Variants in MYL11 observed in about 807,000 individuals in gnomAD.
The protein encoded by MYL11 is myosin light chain 11.
chr16:30,377,646 C>G, the MYL11 span: 1 of 1,500,548 alleles, frequency 6.7e-7, no homozygotes, highest in Non-Finnish European at 8.9e-7. Context: ...TGTGTCACCT[C>G]TCTCCAGCCT....
chr16:30,374,907 G>A, the MYL11 span: 1 of 1,604,744 alleles, frequency 6.2e-7, no homozygotes, highest in East Asian at 2.2e-5. Context: ...TAGACCTCAG[G>A]GCAGCCTCAC....
chr16:30,376,316 C>T, the MYL11 span: 3 of 1,551,086 alleles, frequency 1.9e-6, no homozygotes, highest in African/African-American at 1.4e-5. Flanking sequence ...CACCTTGGGC[C>T]TCAGTCTACC....
the MYL11 span, chr16:30,376,537 G>C: frequency 6.2e-7 from 1 of 1,613,924 alleles, no homozygotes; most frequent in Non-Finnish European, 8.5e-7. Context: ...GGTGAGTGGA[G>C]TGTCCTGGGT....
chr16:30,377,517 G>A, the MYL11 span: 2 of 858,464 alleles, frequency 2.3e-6, no homozygotes, highest in Admixed American at 3.3e-5. Flanking sequence ...AAAAGCGAGT[G>A]TCTGGGAGGC....
At chr16:30,376,330 C>A in the MYL11 span, 1 of 1,547,020 alleles carries the variant, frequency 6.5e-7, no homozygotes, top group South Asian at 1.2e-5. Context: ...GTCTACCCAG[C>A]TGAAAAATGA....
At chr16:30,377,621 A>C in the MYL11 span, 1 of 1,453,246 alleles carries the variant, frequency 6.9e-7, no homozygotes, top group Non-Finnish European at 9.1e-7. Flanking sequence ...CCAGGAACCC[A>C]ATCGCAACTC....
chr16:30,376,923 C>T, the MYL11 span, among the ~76,000 whole-genome samples: 1 of 152,060 alleles, frequency 6.6e-6, no homozygotes, highest in Non-Finnish European at 1.5e-5. Flanking sequence ...CTAAAAAATT[C>T]GTGGGCTGGC....
At chr16:30,375,980 G>A in the MYL11 span, 5 of 1,550,956 alleles carry the variant, frequency 3.2e-6, no homozygotes, top group Middle Eastern at 1.7e-4. Context: ...TCCCTGGAAT[G>A]TGCACCTGCT....
the MYL11 span, chr16:30,377,597 G>C: frequency 2.8e-6 from 4 of 1,414,466 alleles, no homozygotes; most frequent in East Asian, 7.4e-5. Flanking sequence ...GAGGTGCGAG[G>C]GAGTGGAAAG....
the MYL11 span, chr16:30,376,475 C>A: frequency 1.9e-6 from 3 of 1,614,094 alleles, no homozygotes; most frequent in Non-Finnish European, 2.5e-6. Context: ...AGGAAGCCAG[C>A]GGTCCCATCA....
the MYL11 span, chr16:30,372,912 T>A: frequency 6.5e-6 from 1 of 152,784 alleles, no homozygotes; most frequent in South Asian, 2.1e-4. Context: ...GCCCAGCACA[T>A]CTGCTCCTCC....
chr16:30,374,760 C>A, the MYL11 span: 1 of 1,496,186 alleles, frequency 6.7e-7, no homozygotes, highest in South Asian at 1.3e-5. Context: ...TAAGGGCTCC[C>A]TGGGGCAGGA....
At chr16:30,377,707 G>T in the MYL11 span, 1 of 1,577,126 alleles carries the variant, frequency 6.3e-7, no homozygotes, top group South Asian at 1.1e-5. Flanking sequence ...GAGGAGGTGA[G>T]TGGGGACCGG....
the MYL11 span, chr16:30,376,632 A>T: frequency 6.2e-7 from 1 of 1,614,104 alleles, no homozygotes; most frequent in Non-Finnish European, 8.5e-7. Flanking sequence ...GCCGACCCTG[A>T]GGATGTGATC....
chr16:30,371,251 G>T, the MYL11 span, among the ~76,000 whole-genome samples: 1 of 152,156 alleles, frequency 6.6e-6, no homozygotes, highest in Non-Finnish European at 1.5e-5. Context: ...GAAGGGGCGG[G>T]GGCATTAGTG....
At chr16:30,373,827 C>G in the MYL11 span, among the ~76,000 whole-genome samples, 1 of 151,534 alleles carries the variant, frequency 6.6e-6, no homozygotes, top group Non-Finnish European at 1.5e-5. Context: ...GGTAGGAGAC[C>G]CACCTGATCC....
the MYL11 span, among the ~76,000 whole-genome samples, chr16:30,373,595 C>CA: frequency 9.4e-3 from 728 of 77,600 alleles, 6 homozygotes; most frequent in African/African-American, 0.026. Context: ...GACTTCATCT[C>CA]AAAAAAAAAA....
At chr16:30,376,287 G>A in the MYL11 span, 6 of 1,581,438 alleles carry the variant, frequency 3.8e-6, no homozygotes, top group South Asian at 4.5e-5. Context: ...GTGGCCTTGG[G>A]TTCCAGCCCT....
At chr16:30,376,002 A>G in the MYL11 span, 2 of 1,511,888 alleles carry the variant, frequency 1.3e-6, no homozygotes, top group Non-Finnish European at 1.8e-6. Context: ...GAAGGAGGGG[A>G]AAGGTTTAGA....
Sources: allele counts gnomAD v4.1 joint callset (sites outside exome capture counted in the v4.1 genomes callset), GRCh38; gene constraint gnomAD v4.1.1; transcripts MANE v1.5; gene names NCBI Gene and HGNC (gene_info 2026-07-23, HGNC 2026-07-21).